Variants in UBE2O observed in about 807,000 individuals in gnomAD.
UBE2O encodes ubiquitin conjugating enzyme E2 O.
UBE2O carries 15 observed loss-of-function variants against 125.8 expected under a neutral mutation model. The ratio of observed to expected loss-of-function variants is 0.12; its 90% CI spans 0.08 to 0.18. The LOEUF (loss-of-function observed/expected upper bound fraction) is 0.18, where lower values mean the gene tolerates loss of function less well. UBE2O is among the 10% of genes least tolerant of loss of function. The probability of loss-of-function intolerance (pLI) is 1.00; values close to 1 mark genes in which losing one functional copy is unlikely to be tolerated. For synonymous variants in UBE2O, 708 were observed against 703.2 expected, an observed-to-expected ratio of 1.01 and a Z score of -0.11; for missense variants, 1,280 against 1,723.6, an observed-to-expected ratio of 0.74 and a Z score of 4.56.
intron 13 of UBE2O, among the ~76,000 whole-genome samples, chr17:76,397,272 G>A (rs1242542696): frequency 4.6e-5 from 7 of 152,200 alleles, no homozygotes; most frequent in Non-Finnish European, 1.0e-4. Flanking sequence ...TGGCCGTTAA[G>A]GTGATGGGGC....
chr17:76,439,199 G>GT (rs2073043617), intron 1 of UBE2O, among the ~76,000 whole-genome samples: 1 of 152,184 alleles, frequency 6.6e-6, no homozygotes, highest in African/African-American at 2.4e-5. Flanking sequence ...CCTCTGTGAA[G>GT]TAAGAACACC....
rs1446270425 is a variant in UBE2O, at chr17:76,402,117, T to G, written c.697A>C (p.Asn233His). Residue 233 changes from asparagine to histidine, a missense_variant, in exon 5 of 18, where the codon AAC becomes CAC. This residue lies in a region of UBE2O where 206 missense variants were observed against 315.7 expected (regional missense o/e 0.65). Coordinates refer to ENST00000319380, the MANE Select transcript of UBE2O (RefSeq NM_022066.4). The surrounding 1 kb of genome is among the most constrained non-coding windows in gnomAD (Gnocchi z 5.4). ...TAGAGCTTGGCGCCATCTTCCGTGT[T>G]CATGGAGCACCTAAAACAGAGAACA... is the stretch of plus-strand genomic sequence containing the variant. The part of the protein sequence containing the change: ...KLSNGARCSM[N>H]TEDGAKLYDV... 1.2e-6 allele frequency: 2 copies of G among 1,613,524 alleles called. No homozygotes were observed. The highest frequency in any genetic ancestry group is 1.3e-5 in the African/African-American group (1 of 74,884).
rs753266916 is a variant in UBE2O, at chr17:76,398,808, G to A, written c.1783+29C>T. 1 of 1,608,314 alleles carries A rather than the reference G, an allele frequency of 6.2e-7. No individual in the cohort carries two copies. ...CCGGGCCCTCATTGGCGACCACCCTGCTGGCTGCCCTTCCAGAGCTGGCAC... is the reference window on the plus strand; with the variant it reads ...CCGGGCCCTCATTGGCGACCACCCTACTGGCTGCCCTTCCAGAGCTGGCAC... On this transcript the variant is annotated intron_variant, in intron 10 of 17. Coordinates refer to ENST00000319380, the MANE Select transcript of UBE2O (RefSeq NM_022066.4). The surrounding 1 kb of genome is among the most constrained non-coding windows in gnomAD (Gnocchi z 5.4).
chr17:76,405,499 G>T lies in UBE2O; in HGVS notation c.477+14C>A. 6.3e-7 allele frequency: 1 copy of T among 1,594,456 alleles called. No homozygotes were observed. Among genetic ancestry groups the T allele is most frequent in the Non-Finnish European group, 8.5e-7 (1 of 1,172,986 alleles). On this transcript the variant is annotated intron_variant, in intron 2 of 17. Transcript: ENST00000319380. This position sits in a 1 kb window ranked among gnomAD's most constrained non-coding sequence, Gnocchi z 6.1. ...CCCCCAGGCCCGGGGCTGGGGTGGG[G>T]ACGCAGGACTCACGGTGGATCGCAT...
intron 1 of UBE2O, among the ~76,000 whole-genome samples, chr17:76,426,823 A>G (rs951471722): frequency 7.9e-5 from 12 of 152,018 alleles, no homozygotes; most frequent in Admixed American, 6.6e-4. Flanking sequence ...GCACTTCCCA[A>G]CGCCTCTGGA....
At chr17:76,429,099 A>C (rs2072861212) in intron 1 of UBE2O, among the ~76,000 whole-genome samples, 1 of 151,752 alleles carries the variant, frequency 6.6e-6, no homozygotes, top group East Asian at 2.0e-4. Context: ...ACGGGGTTTA[A>C]CCATGTTGGC....
rs1046976178 is a variant in UBE2O at position 76,402,258 on chromosome 17, G to A, written c.687-131C>T. 7.5e-6 allele frequency: 6 copies of A among 804,830 alleles called. No homozygotes were observed. The highest frequency in any genetic ancestry group is 2.6e-5 in the Admixed American group (1 of 38,294). 49.9% of individuals were successfully genotyped at this position (804,830 alleles called of 1,614,324 possible). On this transcript the variant is annotated intron_variant, in intron 4 of 17. Transcript: ENST00000319380. The surrounding 1 kb of genome is among the most constrained non-coding windows in gnomAD (Gnocchi z 5.4). ...TCGTCTTCTACCATCAACTCAGCCC[G>A]AGGTAGTACAAGAAACTCTCCCACA...
In UBE2O at chr17:76,401,100, G is replaced by C. The variant is rs1213585879; in HGVS notation, c.805C>G (p.Pro269Ala). The C allele has an allele frequency of 6.2e-7, 1 of 1,613,774 alleles. No homozygotes were observed. Among genetic ancestry groups the C allele is most frequent in the Non-Finnish European group, 8.5e-7 (1 of 1,180,044 alleles). ...GFYPGQVLIG[P>A]AKIFSSVQWL... is the part of the protein sequence containing the mutation. Reference sequence around the variant, plus strand: ...TGGACGCTGGAGAAGATCTTGGCAGGGCCAATGAGCACCTGGCCTGGGTAG... The same window carrying C: ...TGGACGCTGGAGAAGATCTTGGCAGCGCCAATGAGCACCTGGCCTGGGTAG... The change falls in exon 6 of 18, where the codon CCT becomes GCT. Residue 269 changes from proline to alanine, a missense_variant. Around this residue, in one of 10 missense-constraint regions of UBE2O, gnomAD observed 206 missense variants for 315.7 expected, o/e 0.65. Transcript: ENST00000319380.
intron 1 of UBE2O, among the ~76,000 whole-genome samples, chr17:76,411,351 G>A (rs1309544426): frequency 6.6e-6 from 1 of 152,196 alleles, no homozygotes; most frequent in African/African-American, 2.4e-5. Flanking sequence ...CCCTGTAGGA[G>A]CGGATGGCTC....
At chr17:76,432,509 G>A (rs1317237206) in intron 1 of UBE2O, among the ~76,000 whole-genome samples, 1 of 152,086 alleles carries the variant, frequency 6.6e-6, no homozygotes, top group Non-Finnish European at 1.5e-5. Flanking sequence ...TGGAGCCCCA[G>A]ATTTAAAACA....
chr17:76,427,670 T>C (rs946258108), intron 1 of UBE2O, among the ~76,000 whole-genome samples: 5 of 152,382 alleles, frequency 3.3e-5, no homozygotes, highest in African/African-American at 1.2e-4. Flanking sequence ...CTGGCTGGTC[T>C]GGTGCCAGCT....
Position 76,410,980 on chromosome 17 carries a change from C to G in UBE2O, c.418-5408G>C, listed in dbSNP as rs1433479048. Among the ~76,000 whole-genome samples the G allele has an allele frequency of 7.8e-6, 1 of 128,564 alleles. No homozygotes were observed. The highest frequency in any genetic ancestry group is 2.5e-4 in the East Asian group (1 of 4,060). The allele number at this position is 128,564 out of a possible 152,430, so 84.3% of individuals were successfully genotyped here. ...ATAGAAAACACAAACTGAGGCTGAT[C>G]AACATGTTGAAAATACAAAGACGCT... On this transcript the variant is annotated intron_variant, in intron 1 of 17. Coordinates refer to ENST00000319380, the MANE Select transcript of UBE2O (RefSeq NM_022066.4). The surrounding 1 kb of genome is among the most constrained non-coding windows in gnomAD (Gnocchi z 4.0).
At chr17:76,440,213 T>C (rs1048414330) in intron 1 of UBE2O, among the ~76,000 whole-genome samples, 2 of 152,262 alleles carry the variant, frequency 1.3e-5, no homozygotes, top group African/African-American at 4.8e-5. Flanking sequence ...GTAGCCACTA[T>C]GGTAAAAAGA....
intron 1 of UBE2O, among the ~76,000 whole-genome samples, chr17:76,426,925 T>C (rs1043404335): frequency 2.0e-5 from 3 of 151,802 alleles, no homozygotes; most frequent in Non-Finnish European, 4.4e-5. Context: ...TTTTTTTTTT[T>C]CTGTGAAAAT....
intron 1 of UBE2O, among the ~76,000 whole-genome samples, chr17:76,431,457 A>G (rs2072905822): frequency 6.6e-6 from 1 of 152,208 alleles, no homozygotes; most frequent in Non-Finnish European, 1.5e-5. Flanking sequence ...CACAGGTTGC[A>G]GTGAGCCGAG....
chr17:76,391,510 C>T lies in UBE2O; in HGVS notation c.3312G>A (p.Ala1104=), dbSNP rs1005663889. 9 of 1,613,938 alleles carry T rather than the reference C, an allele frequency of 5.6e-6. No individual in the cohort carries two copies. Among genetic ancestry groups the T allele is most frequent in the East Asian group, 4.5e-5 (2 of 44,900 alleles). The change falls in exon 18 of 18, where the codon GCG becomes GCA. Residue 1104 remains alanine, a synonymous_variant. Transcript: ENST00000319380. This position sits in a 1 kb window ranked among gnomAD's most constrained non-coding sequence, Gnocchi z 8.4. ...YENSRCYNEM[A]LIRVVQSMTQ... ...TCATGGACTGCACCACGCGGATCAG[C>T]GCCATCTCATTGTAACAGCGACTGT...
At chr17:76,451,100 G>C (rs888875513) in intron 1 of UBE2O, among the ~76,000 whole-genome samples, 2 of 152,208 alleles carry the variant, frequency 1.3e-5, no homozygotes. Flanking sequence ...ACCTCCCTGA[G>C]TCCTAGGGCA....
At chr17:76,421,229 C>T (rs1168718996) in intron 1 of UBE2O, among the ~76,000 whole-genome samples, 1 of 152,200 alleles carries the variant, frequency 6.6e-6, no homozygotes, top group South Asian at 2.1e-4. Context: ...TAGGGAAACA[C>T]TGCAGAAAGA....
intron 1 of UBE2O, among the ~76,000 whole-genome samples, chr17:76,415,643 A>G (rs995362392): frequency 3.9e-5 from 6 of 152,074 alleles, no homozygotes; most frequent in African/African-American, 1.4e-4. Context: ...GGTCTCTACT[A>G]AAAATACAAA....
Sources: gnomAD v4.1 joint callset for allele counts (sites outside exome capture counted in the v4.1 genomes callset) on GRCh38, gnomAD v4.1.1 for gene constraint, gnomAD v4.1.1 regional missense constraint, Gnocchi (gnomAD v3.1) non-coding constraint, MANE v1.5 for transcripts, NCBI Gene and HGNC (gene_info 2026-07-23, HGNC 2026-07-21) for gene names.